RYR3: variants seen among roughly 807,000 people sequenced by gnomAD.
The protein encoded by RYR3 is ryanodine receptor 3, also known as brain ryanodine receptor-calcium release channel.
A neutral mutation model predicts 584.3 loss-of-function variants in RYR3; 207 were observed. The observed-to-expected ratio is 0.35, with a 90% CI of 0.32 to 0.40. The LOEUF (loss-of-function observed/expected upper bound fraction) is 0.40. Among genes scored for constraint, RYR3 ranks in the 10% least tolerant of loss-of-function variants. The probability of loss-of-function intolerance (pLI) is 1.00; values close to 1 mark genes in which losing one functional copy is unlikely to be tolerated. For missense variants in RYR3, 5,616 were observed against 6,089.2 expected, an observed-to-expected ratio of 0.92 and a Z score of 2.59; for synonymous variants, 2,416 against 2,248.5, an observed-to-expected ratio of 1.07 and a Z score of -2.11.
intron 43 of RYR3, among the ~76,000 whole-genome samples, chr15:33,717,078 C>A (rs537344640): frequency 6.6e-6 from 1 of 152,312 alleles, no homozygotes; most frequent in African/African-American, 2.4e-5. Flanking sequence ...ACTCTAGACA[C>A]ATGGGCAAAA....
At chr15:33,735,149 CACAGAATT>C (rs1157801267) in intron 48 of RYR3, among the ~76,000 whole-genome samples, 1 of 152,082 alleles carries the variant, frequency 6.6e-6, no homozygotes, top group Non-Finnish European at 1.5e-5. Flanking sequence ...GTCAGGAATT[CACAGAATT>C]ACAGACTTAT....
chr15:33,839,507 A>G, intron 89 of RYR3: 1 of 153,806 alleles, frequency 6.5e-6, no homozygotes, highest in African/African-American at 2.4e-5. Context: ...CCCCTTGACC[A>G]TGGAAGGTTC....
chr15:33,749,742 G>A (rs747696903), intron 55 of RYR3, among the ~76,000 whole-genome samples: 2 of 152,144 alleles, frequency 1.3e-5, no homozygotes, highest in Non-Finnish European at 2.9e-5. Context: ...CAAACTGCCA[G>A]AATAATAAGT....
chr15:33,792,360 C>A (rs116417907), intron 67 of RYR3, among the ~76,000 whole-genome samples: 1 of 152,128 alleles, frequency 6.6e-6, no homozygotes, highest in African/African-American at 2.4e-5. Context: ...TCTCCCCCAA[C>A]CCGAGTCCTT....
intron 1 of RYR3, among the ~76,000 whole-genome samples, chr15:33,312,129 T>C (rs1257159897): frequency 6.6e-6 from 1 of 152,208 alleles, no homozygotes; most frequent in Non-Finnish European, 1.5e-5. Context: ...GGCAAATCGC[T>C]CTGTAAATCT....
chr15:33,684,400 G>C (rs1381026856), intron 38 of RYR3, among the ~76,000 whole-genome samples: 2 of 152,118 alleles, frequency 1.3e-5, no homozygotes, highest in Non-Finnish European at 2.9e-5. Context: ...GCAGCTGAGG[G>C]ACCTGACTCT....
chr15:33,502,911 G>A (rs78744705), intron 2 of RYR3, among the ~76,000 whole-genome samples: 2 of 152,120 alleles, frequency 1.3e-5, no homozygotes, highest in African/African-American at 2.4e-5. Flanking sequence ...CCTATGCAAA[G>A]CCCTTAGAAC....
intron 103 of RYR3, among the ~76,000 whole-genome samples, 168 bp downstream of exon 103, chr15:33,864,357 T>C (rs1486960247): frequency 6.6e-6 from 1 of 151,840 alleles, no homozygotes; most frequent in Non-Finnish European, 1.5e-5. Context: ...CTCCTGTTTA[T>C]CCTTCCCAAC....
Position 33,660,217 on chromosome 15 carries a change from G to A in RYR3, c.4416G>A (p.Ala1472=), listed in dbSNP as rs537188316. ...CCCAGAACGCAATGCCCCTGTCAGC[G>A]GCCATATTCAGGAGTGAAGAGAAGA... ...GKLKNAMPLS[A]AIFRSEEKNP... The change falls in exon 34 of 104, where the codon GCG becomes GCA. Residue 1472 remains alanine (A), a synonymous_variant. Transcript: ENST00000634891. The A allele has an allele frequency of 8.8e-5, 137 of 1,552,194 alleles. No individual in the cohort carries two copies. In the East Asian group the frequency reaches 2.7e-3, roughly 30 times the overall value.
intron 1 of RYR3, among the ~76,000 whole-genome samples, chr15:33,470,377 A>G (rs2048832542): frequency 1.3e-5 from 2 of 152,164 alleles, no homozygotes; most frequent in African/African-American, 4.8e-5. Context: ...CCAGTGAGAT[A>G]GAGTTGAAAC....
intron 14 of RYR3, among the ~76,000 whole-genome samples, chr15:33,583,091 T>G (rs1260564776): frequency 6.6e-6 from 1 of 152,154 alleles, no homozygotes; most frequent in African/African-American, 2.4e-5. Context: ...GACATCAGGA[T>G]CAGCTGGAGA....
At chr15:33,796,737 A>G (rs551824049) in intron 67 of RYR3, among the ~76,000 whole-genome samples, 2 of 152,346 alleles carry the variant, frequency 1.3e-5, no homozygotes, top group Admixed American at 6.5e-5. Flanking sequence ...CAATCCAGCA[A>G]TCTCACTGCT....
chr15:33,861,551 C>A (rs796571471), intron 102 of RYR3, among the ~76,000 whole-genome samples: 1 of 151,524 alleles, frequency 6.6e-6, no homozygotes, highest in Non-Finnish European at 1.5e-5. Context: ...TGCCCTACTT[C>A]TTTTTCCCTT....
intron 1 of RYR3, chr15:33,465,617 C>A (rs546279702): frequency 8.5e-6 from 4 of 469,032 alleles, no homozygotes; most frequent in Non-Finnish European, 1.7e-5. Context: ...TGATTGGAGG[C>A]TTTCAAGTCG....
chr15:33,428,081 C>T (rs2044795554), intron 1 of RYR3, among the ~76,000 whole-genome samples: 2 of 152,168 alleles, frequency 1.3e-5, no homozygotes, highest in South Asian at 4.1e-4. Flanking sequence ...ATTGTAAGCT[C>T]CTTGAAGGTA....
At chr15:33,755,672 A>G (rs935697830) in intron 58 of RYR3, among the ~76,000 whole-genome samples, 2 of 152,198 alleles carry the variant, frequency 1.3e-5, no homozygotes, top group African/African-American at 2.4e-5. Flanking sequence ...ACTTGATTGA[A>G]CCTTTTGTCA....
At chr15:33,794,348 AAT>A (rs1555460415) in intron 67 of RYR3, among the ~76,000 whole-genome samples, 7 of 58,332 alleles carry the variant, frequency 1.2e-4, no homozygotes, top group Admixed American at 1.9e-4. Flanking sequence ...TATATATAAA[AAT>A]ATATATATAT....
At chr15:33,660,724 C>T (rs1166946258) in intron 34 of RYR3, among the ~76,000 whole-genome samples, 1 of 152,154 alleles carries the variant, frequency 6.6e-6, no homozygotes, top group African/African-American at 2.4e-5. Flanking sequence ...TCATTTATGA[C>T]AGGAAGGGGA....
intron 12 of RYR3, among the ~76,000 whole-genome samples, 155 bp downstream of exon 12, chr15:33,566,954 T>C (rs983512212): frequency 8.5e-5 from 13 of 152,174 alleles, no homozygotes; most frequent in African/African-American, 3.1e-4. Flanking sequence ...TGAAACATAT[T>C]TCCTACATAG....
Sources: allele counts gnomAD v4.1 joint callset (sites outside exome capture counted in the v4.1 genomes callset), GRCh38; gene constraint gnomAD v4.1.1; transcripts MANE v1.5; gene names NCBI Gene and HGNC (gene_info 2026-07-23, HGNC 2026-07-21).